Variants in CRHR2 observed in about 807,000 individuals in gnomAD.
CRHR2 encodes corticotropin-releasing hormone receptor 2.
In CRHR2, 53 loss-of-function variants were observed where a neutral mutation model predicts 57.9. The ratio of observed to expected loss-of-function variants is 0.92; its 90% confidence interval spans 0.73 to 1.15. CRHR2 has a LOEUF of 1.15. Ranked by LOEUF, CRHR2 falls within the 50% of genes most tolerant of loss-of-function variation. CRHR2 has a pLI of 0.00. For missense variants in CRHR2, 532 were observed against 542.6 expected, an observed-to-expected ratio of 0.98 and a Z score of 0.19; for synonymous variants, 213 against 220.9, an observed-to-expected ratio of 0.96 and a Z score of 0.32.
At chr7:30,686,388 C>T (rs1439660452), upstream of CRHR2, 1 of 1,530,350 alleles carries the variant, frequency 6.5e-7, no homozygotes, top group African/African-American at 1.4e-5. Flanking sequence ...AGGACAGATA[C>T]CTTGGCAGAA....
intron 2 of CRHR2, among the ~76,000 whole-genome samples, chr7:30,673,300 C>T (rs1004320543): frequency 6.6e-6 from 1 of 152,104 alleles, no homozygotes; most frequent in Admixed American, 6.5e-5. Context: ...GCCTTGAACT[C>T]CTATACTCAA....
chr7:30,663,030 A>G (rs1784073305), intron 5 of CRHR2, among the ~76,000 whole-genome samples, 183 bp from the exon 6 acceptor site: 1 of 152,186 alleles, frequency 6.6e-6, no homozygotes, highest in Non-Finnish European at 1.5e-5. Flanking sequence ...ACACTTTCAG[A>G]TTAAGTTAAG....
rs1784741598 is a variant in CRHR2 at position 30,682,245 on chromosome 7, G to C, written c.36C>G (p.Ala12=). 1 of 1,588,946 alleles carries C rather than the reference G, an allele frequency of 6.3e-7. No individual in the cohort carries two copies. The highest frequency in any genetic ancestry group is 8.5e-7 in the Non-Finnish European group (1 of 1,174,816). ...DAALLHSLLE[A]NCSLALAEEL... is the part of the protein sequence containing the mutation. ...CTTCAGCCAGCGCCAGGCTGCAGTT[G>C]GCCTCCAGCAGGCTGTGGAGCAGTG... The change falls in exon 1 of 12, where the codon GCC becomes GCG. Residue 12 remains alanine (A), a synonymous_variant. Transcript: ENST00000471646.
upstream of CRHR2, chr7:30,682,537 G>A: frequency 4.0e-6 from 5 of 1,245,306 alleles, no homozygotes; most frequent in Non-Finnish European, 5.0e-6. Context: ...GCTGCGCCGG[G>A]GGGCGGGGCC....
chr7:30,686,212 A>C (rs1484313402), upstream of CRHR2, among the ~76,000 whole-genome samples: 1 of 151,994 alleles, frequency 6.6e-6, no homozygotes, highest in Admixed American at 6.6e-5. Context: ...CTCCTTGGTG[A>C]CCCCATCTGC....
At position 30,682,349 on chromosome 7, in the gene CRHR2, G is replaced by C; in HGVS notation, c.-69C>G. 6.9e-7 allele frequency: 1 copy of C among 1,439,716 alleles called. No homozygotes were observed. Among genetic ancestry groups the C allele is most frequent in the Non-Finnish European group, 9.1e-7 (1 of 1,097,940 alleles). 89.2% of individuals were successfully genotyped at this position (1,439,716 alleles called of 1,614,324 possible). On this transcript the variant is annotated 5_prime_UTR_variant, in exon 1 of 12. Coordinates refer to ENST00000471646, the MANE Select transcript of CRHR2 (RefSeq NM_001883.5). ...CCGGCGTGACTGCGAGGGAGTGGAC[G>C]CGAGAGTGAGCGGCCGAGAGGGCGC...
chr7:30,693,445 G>A (rs1162564633), intron 1 of CRHR2, among the ~76,000 whole-genome samples: 1 of 152,194 alleles, frequency 6.6e-6, no homozygotes, highest in African/African-American at 2.4e-5. Flanking sequence ...TGGTGGTGCG[G>A]GGAGGGTGGC....
chr7:30,654,707 T>A lies in CRHR2; in HGVS notation c.1095+332A>T, dbSNP rs574360909. 3.9e-6 allele frequency: 6 copies of A among 1,536,170 alleles called. No homozygotes were observed. The African/African-American group carries it at 8.2e-5, about 21-fold the overall frequency. ...CTGAGTCCATACAGACCTGATTGCT[T>A]GGCACACATCTCTTTCTGGAAGCTT... On this transcript the variant is annotated intron_variant, in intron 11 of 11. Transcript: ENST00000471646.
upstream of CRHR2, chr7:30,686,408 A>G (rs1293356385): frequency 6.5e-7 from 1 of 1,533,952 alleles, no homozygotes; most frequent in East Asian, 2.4e-5. Context: ...AGAGCTGAGG[A>G]AAGCCCAGGT....
intron 2 of CRHR2, among the ~76,000 whole-genome samples, chr7:30,676,914 C>A (rs1033309208): frequency 6.6e-6 from 1 of 152,232 alleles, no homozygotes; most frequent in Non-Finnish European, 1.5e-5. Context: ...CCTGTCCTGG[C>A]AGATGCCTCA....
rs1784199660 is a variant in CRHR2, at chr7:30,666,823, G to C, written c.315+405C>G. Among the ~76,000 whole-genome samples the C allele has an allele frequency of 2.0e-5, 3 of 152,216 alleles. No homozygotes were observed. The South Asian group carries it at 6.2e-4, about 32-fold the overall frequency. On this transcript the variant is annotated intron_variant, in intron 3 of 11. Coordinates refer to ENST00000471646, the MANE Select transcript of CRHR2 (RefSeq NM_001883.5). ...AGAGCAGGACCCAGCTTCTCATGGG[G>C]ACAGCCCTTGGGGGGCTGCATTTGT...
intron 2 of CRHR2, among the ~76,000 whole-genome samples, chr7:30,671,389 T>C (rs978301804): frequency 6.6e-6 from 1 of 151,750 alleles, no homozygotes; most frequent in African/African-American, 2.4e-5. Flanking sequence ...CTACTTTTGG[T>C]GGTAGTTTTG....
chr7:30,692,120 T>C (rs1431524328), intron 1 of CRHR2, among the ~76,000 whole-genome samples: 6 of 152,202 alleles, frequency 3.9e-5, no homozygotes, highest in Non-Finnish European at 8.8e-5. Flanking sequence ...CCACAGGATT[T>C]TGTGTGCATT....
chr7:30,684,664 C>T (rs866151701), upstream of CRHR2, among the ~76,000 whole-genome samples: 3 of 152,330 alleles, frequency 2.0e-5, no homozygotes, highest in Middle Eastern at 6.8e-3. Context: ...CACATACCCA[C>T]AGACCCACAG....
chr7:30,663,263 T>G (rs1784081787), intron 5 of CRHR2, among the ~76,000 whole-genome samples: 1 of 152,160 alleles, frequency 6.6e-6, no homozygotes, highest in East Asian at 1.9e-4. Context: ...TGGAATTTCA[T>G]TTAGAAAAAA....
At chr7:30,698,161 G>C (rs1562814562) in intron 1 of CRHR2, 1 of 152,328 alleles carries the variant, frequency 6.6e-6, no homozygotes, top group South Asian at 2.1e-4. Flanking sequence ...TGAGAGGAAG[G>C]CTGGGCTTTG....
intron 1 of CRHR2, among the ~76,000 whole-genome samples, chr7:30,690,792 G>A (rs1017761980): frequency 1.4e-4 from 22 of 152,164 alleles, no homozygotes; most frequent in Non-Finnish European, 2.6e-4. Context: ...CTAGGGTGAG[G>A]CAGACACCAC....
At chr7:30,687,821 T>C (rs1170015993) in intron 2 of CRHR2, among the ~76,000 whole-genome samples, 1 of 152,128 alleles carries the variant, frequency 6.6e-6, no homozygotes, top group East Asian at 1.9e-4. Context: ...ACGCTGCCTC[T>C]GAGGGTGAGG....
At chr7:30,676,162 G>A (rs1784509397) in intron 2 of CRHR2, among the ~76,000 whole-genome samples, 1 of 152,318 alleles carries the variant, frequency 6.6e-6, no homozygotes, top group Non-Finnish European at 1.5e-5. Context: ...GGGGAAGGCT[G>A]GACTCGGAAC....
Sources: allele counts gnomAD v4.1 joint callset (sites outside exome capture counted in the v4.1 genomes callset), GRCh38; gene constraint gnomAD v4.1.1; transcripts MANE v1.5; gene names NCBI Gene and HGNC (gene_info 2026-07-23, HGNC 2026-07-21).